Variants in APBB1IP observed in about 807,000 individuals in gnomAD.
The protein encoded by APBB1IP is amyloid beta A4 precursor protein-binding family B member 1-interacting protein.
In APBB1IP, 27 loss-of-function variants were observed where a neutral mutation model predicts 64.9. The ratio of observed to expected loss-of-function variants is 0.42; its 90% CI spans 0.31 to 0.57. The LOEUF is 0.57. APBB1IP is among the 20% of genes least tolerant of loss of function. The pLI, the probability that APBB1IP is intolerant of heterozygous loss-of-function variation, is 0.20. For missense variants in APBB1IP, 812 were observed against 845.5 expected, an observed-to-expected ratio of 0.96 and a Z score of 0.49; for synonymous variants, 392 against 331.0, an observed-to-expected ratio of 1.18 and a Z score of -2.00.
rs756752019 is a variant in APBB1IP, at chr10:26,500,872, G to T, written c.214G>T (p.Val72Leu). ...TTTAGATGCTCTCATGGCAGATCTG[G>T]TAGCAGACATAAGTGAGGCTGAGCA... ...QDLDALMADLVADISEAEQRT... is the reference protein window; with the variant it reads ...QDLDALMADLLADISEAEQRT... Residue 72 changes from valine (V) to leucine (L), a missense_variant, in exon 5 of 15, where the codon GTA becomes TTA. Transcript: ENST00000376236. 6 of 1,614,138 alleles carry T rather than the reference G, an allele frequency of 3.7e-6. No individual in the cohort carries two copies. The highest frequency in any genetic ancestry group is 5.1e-6 in the Non-Finnish European group (6 of 1,180,016).
chr10:26,533,619 C>T (rs1836581080), intron 9 of APBB1IP, 94 bp downstream of exon 9: 9 of 701,838 alleles, frequency 1.3e-5, no homozygotes, highest in Admixed American at 7.9e-5. Context: ...AATCTAAAGA[C>T]ATACACTGAA....
intron 6 of APBB1IP, 57 bp downstream of exon 6, chr10:26,503,331 C>G: frequency 6.4e-7 from 1 of 1,571,806 alleles, no homozygotes; most frequent in South Asian, 1.1e-5. Flanking sequence ...TGTGATTATG[C>G]TTAATGATAA....
chr10:26,562,304 T>C (rs1195449616), intron 13 of APBB1IP, 22 bp from the exon 14 acceptor site: 2 of 1,571,126 alleles, frequency 1.3e-6, no homozygotes, highest in Non-Finnish European at 1.8e-6. Flanking sequence ...TCACTCTTCT[T>C]TTCTCACTTC....
chr10:26,485,111 G>A (rs749592123), intron 2 of APBB1IP, among the ~76,000 whole-genome samples: 25 of 152,102 alleles, frequency 1.6e-4, no homozygotes, highest in Non-Finnish European at 2.4e-4. Context: ...TGAAAGTTTT[G>A]TTTACCAACA....
chr10:26,561,220 C>T (rs1836967775), intron 13 of APBB1IP, among the ~76,000 whole-genome samples: 1 of 151,150 alleles, frequency 6.6e-6, no homozygotes, highest in South Asian at 2.1e-4. Flanking sequence ...AAGCGCCCGC[C>T]ACCATGCCTG....
In APBB1IP at chr10:26,524,974, T is replaced by TTTTTTTTTTTTTTTTTTTTA. The variant is rs1554778195; in HGVS notation, c.814-8465_814-8464insTTTTTTTTTTTTTTTTTTTA. Among the ~76,000 whole-genome samples the TTTTTTTTTTTTTTTTTTTTA allele has an allele frequency of 1.4e-3, 176 of 126,686 alleles. 13 individuals are homozygous for TTTTTTTTTTTTTTTTTTTTA. The highest frequency in any genetic ancestry group is 3.8e-3 in the Middle Eastern group (1 of 262). The allele number at this position is 126,686 out of a possible 152,430, so 83.1% of individuals were successfully genotyped here. The stretch of plus-strand genomic sequence containing the variant: ...TTCTTTCTTTTTTTTTTTTTTTTTT[T>TTTTTTTTTTTTTTTTTTTTA]ATAAAAAAAGGAATCCTGGCAAGAG... On this transcript the variant is annotated intron_variant, in intron 8 of 14. Transcript: ENST00000376236.
intron 8 of APBB1IP, among the ~76,000 whole-genome samples, chr10:26,516,258 A>C (rs1836325218): frequency 6.6e-6 from 1 of 152,068 alleles, no homozygotes; most frequent in Non-Finnish European, 1.5e-5. Context: ...TGAGGGCTTC[A>C]ATATTTAAAG....
chr10:26,454,299 G>T (rs1835497487), intron 2 of APBB1IP, among the ~76,000 whole-genome samples: 1 of 151,926 alleles, frequency 6.6e-6, no homozygotes, highest in African/African-American at 2.4e-5. Flanking sequence ...AAATTAGCCG[G>T]GCGTGGTGGT....
At chr10:26,550,027 T>G (rs1043408681) in intron 11 of APBB1IP, among the ~76,000 whole-genome samples, 7 of 149,040 alleles carry the variant, frequency 4.7e-5, no homozygotes, top group South Asian at 4.3e-4. Flanking sequence ...GTATTCTTGG[T>G]TTTTTTTTTA....
chr10:26,445,122 A>C (rs1413466073), intron 2 of APBB1IP, among the ~76,000 whole-genome samples: 1 of 78,334 alleles, frequency 1.3e-5, no homozygotes, highest in Admixed American at 1.8e-4. Flanking sequence ...AAAGAAAGAA[A>C]GAAAGAAAAG....
At chr10:26,531,123 G>A (rs954626225) in intron 8 of APBB1IP, among the ~76,000 whole-genome samples, 2 of 150,104 alleles carry the variant, frequency 1.3e-5, no homozygotes, top group East Asian at 2.0e-4. Flanking sequence ...GAGGCTGAGG[G>A]GGGCAGTTTG....
chr10:26,551,336 G>A (rs999924677), intron 11 of APBB1IP, among the ~76,000 whole-genome samples: 3 of 152,182 alleles, frequency 2.0e-5, no homozygotes, highest in Admixed American at 6.5e-5. Flanking sequence ...AGTCCGGGGG[G>A]ACTTTCCATG....
chr10:26,483,201 A>T (rs560435890), intron 2 of APBB1IP, among the ~76,000 whole-genome samples: 1 of 151,936 alleles, frequency 6.6e-6, no homozygotes, highest in South Asian at 2.1e-4. Context: ...TTCATTGAAG[A>T]GAAGAAATAC....
chr10:26,448,142 A>G (rs1426785927), intron 2 of APBB1IP, among the ~76,000 whole-genome samples: 3 of 12,032 alleles, frequency 2.5e-4, no homozygotes, highest in African/African-American at 5.9e-4. Flanking sequence ...AAAAATTTTA[A>G]AAATAATATA....
At chr10:26,524,035 G>A (rs1211329814) in intron 8 of APBB1IP, among the ~76,000 whole-genome samples, 11 of 152,082 alleles carry the variant, frequency 7.2e-5, no homozygotes, top group Admixed American at 2.0e-4. Flanking sequence ...CTATGGCACC[G>A]TGGCATGCTG....
At chr10:26,473,600 A>C (rs1335040824) in intron 2 of APBB1IP, among the ~76,000 whole-genome samples, 1 of 152,240 alleles carries the variant, frequency 6.6e-6, no homozygotes, top group Admixed American at 6.5e-5. Flanking sequence ...CAGTTTGCGC[A>C]TAAATGGTTG....
At chr10:26,552,162 G>T (rs996545876) in intron 11 of APBB1IP, among the ~76,000 whole-genome samples, 6 of 152,148 alleles carry the variant, frequency 3.9e-5, no homozygotes, top group African/African-American at 1.4e-4. Flanking sequence ...TCAGCAGGGT[G>T]TGGTAGCATG....
intron 8 of APBB1IP, among the ~76,000 whole-genome samples, chr10:26,522,996 T>C (rs535034553): frequency 2.2e-5 from 2 of 89,956 alleles, no homozygotes; most frequent in African/African-American, 4.8e-5. Context: ...AAGAGTGAAA[T>C]GAAACTCCAT....
At chr10:26,502,432 G>A (rs537444847) in intron 5 of APBB1IP, among the ~76,000 whole-genome samples, 3 of 152,146 alleles carry the variant, frequency 2.0e-5, no homozygotes, top group Non-Finnish European at 4.4e-5. Context: ...ATGAGGTCAG[G>A]AGATGGAGAC....
Sources: allele counts gnomAD v4.1 joint callset (sites outside exome capture counted in the v4.1 genomes callset), GRCh38; gene constraint gnomAD v4.1.1; transcripts MANE v1.5; gene names NCBI Gene and HGNC (gene_info 2026-07-23, HGNC 2026-07-21).